Variants in FOCAD observed in about 807,000 individuals in gnomAD.
The protein encoded by FOCAD is KIAA1797.
FOCAD carries 198 observed loss-of-function variants against 225.6 expected under a neutral mutation model. The ratio of observed to expected loss-of-function variants is 0.88; its 90% CI spans 0.78 to 0.99. The LOEUF (loss-of-function observed/expected upper bound fraction) is 0.99. Among genes scored for constraint, FOCAD ranks in the 50% least tolerant of loss-of-function variants. The pLI, the probability that FOCAD is intolerant of heterozygous loss-of-function variation, is 0.00. For missense variants in FOCAD, 2,713 were observed against 2,123.6 expected (o/e 1.28, Z -5.46); for synonymous variants, 897 against 755.0 (o/e 1.19, Z -3.08).
intron 2 of FOCAD, among the ~76,000 whole-genome samples, chr9:20,659,582 C>G (rs1678353929): frequency 1.3e-5 from 2 of 152,126 alleles, no homozygotes; most frequent in African/African-American, 2.4e-5. Flanking sequence ...TGTCAAGGAG[C>G]TAGGCCTCGG....
intron 21 of FOCAD, among the ~76,000 whole-genome samples, chr9:20,891,491 T>G (rs1013751696): frequency 6.6e-6 from 1 of 152,188 alleles, no homozygotes; most frequent in African/African-American, 2.4e-5. Context: ...ACATGAGTGA[T>G]AAGAAAGCAA....
chr9:20,951,553 A>T lies in FOCAD; in HGVS notation c.4051+455A>T, dbSNP rs926192625. Among the ~76,000 whole-genome samples the T allele has an allele frequency of 2.6e-5, 4 of 152,316 alleles. No individual in the cohort carries two copies. The East Asian group carries it at 7.7e-4, about 29-fold the overall frequency. On this transcript the variant is annotated intron_variant, in intron 34 of 43. Transcript: ENST00000338382. ...GTAGTTTGTATAGTATTCATGTTTC[A>T]TTAAAAGTCTCTTCATATATGGCTG... is the stretch of plus-strand genomic sequence containing the variant.
intron 39 of FOCAD, among the ~76,000 whole-genome samples, chr9:20,983,065 C>G (rs1488669413): frequency 6.6e-6 from 1 of 152,114 alleles, no homozygotes; most frequent in Admixed American, 6.5e-5. Flanking sequence ...TCAATCAGAT[C>G]CTTGAATTTC....
In FOCAD at chr9:20,821,003, G is replaced by T. The variant is rs76714249; in HGVS notation, c.1725G>T (p.Val575=). 3.2e-4 allele frequency: 520 copies of T among 1,612,678 alleles called. 2 individuals are homozygous for T. The African/African-American group carries it at 4.6e-3, about 14-fold the overall frequency. ...MAVSDVPSLS[V]GKEVQWEKLI... ...TGTCTGATGTACCTTCTCTTTCGGTGGGCAAGGAAGTCCAATGGGAGAAAC... is the reference window on the plus strand; with the variant it reads ...TGTCTGATGTACCTTCTCTTTCGGTTGGCAAGGAAGTCCAATGGGAGAAAC... Residue 575 remains valine (V), a synonymous_variant, in exon 14 of 44, where the codon GTG becomes GTT. Transcript: ENST00000338382.
intron 5 of FOCAD, among the ~76,000 whole-genome samples, chr9:20,755,573 TA>T (rs1828976041): frequency 1.3e-5 from 2 of 152,194 alleles, no homozygotes; most frequent in Admixed American, 1.3e-4. Context: ...AGATGACTTA[TA>T]AAGGAAGAAT....
intron 4 of FOCAD, among the ~76,000 whole-genome samples, chr9:20,737,934 G>C (rs2131643380): frequency 6.6e-6 from 1 of 152,308 alleles, no homozygotes; most frequent in East Asian, 1.9e-4. Context: ...ATTGGTGATA[G>C]AGCAGTTATG....
intron 1 of FOCAD, among the ~76,000 whole-genome samples, chr9:20,699,781 T>A (rs1268663586): frequency 1.1e-4 from 8 of 71,450 alleles, no homozygotes; most frequent in Non-Finnish European, 1.8e-4. Flanking sequence ...AAAATATATA[T>A]ATATATATAT....
chr9:20,711,942 C>A (rs117379148), intron 1 of FOCAD, among the ~76,000 whole-genome samples: 3,672 of 152,232 alleles, frequency 0.024, 59 homozygotes, highest in Middle Eastern at 0.044. Flanking sequence ...AACAGTGTTT[C>A]CCAGTGTGTA....
intron 21 of FOCAD, among the ~76,000 whole-genome samples, chr9:20,902,718 A>C (rs1002297740): frequency 2.0e-5 from 3 of 151,914 alleles, no homozygotes; most frequent in Non-Finnish European, 4.4e-5. Context: ...TGGGACATAT[A>C]TATTAAATAT....
intron 6 of FOCAD, among the ~76,000 whole-genome samples, chr9:20,758,625 T>G (rs964948302): frequency 6.6e-6 from 1 of 151,912 alleles, no homozygotes; most frequent in African/African-American, 2.4e-5. Flanking sequence ...GTTTGGTTTT[T>G]TGTTCTTGTG....
At chr9:20,896,054 TGA>T (rs1423105090) in intron 21 of FOCAD, among the ~76,000 whole-genome samples, 29 of 151,934 alleles carry the variant, frequency 1.9e-4, no homozygotes, top group Non-Finnish European at 7.4e-5. Flanking sequence ...TCTAGTTTAC[TGA>T]GAGTTTTTAT....
intron 4 of FOCAD, among the ~76,000 whole-genome samples, chr9:20,730,503 G>A (rs1826596618): frequency 6.6e-6 from 1 of 152,100 alleles, no homozygotes; most frequent in Non-Finnish European, 1.5e-5. Flanking sequence ...CATACTTGAT[G>A]TATTTCAGTC....
chr9:20,674,307 A>G (rs1822163554), intron 2 of FOCAD, among the ~76,000 whole-genome samples: 1 of 152,148 alleles, frequency 6.6e-6, no homozygotes, highest in African/African-American at 2.4e-5. Context: ...AATATTATAC[A>G]ATTATGTGTA....
intron 32 of FOCAD, among the ~76,000 whole-genome samples, 164 bp downstream of exon 32, chr9:20,949,092 A>G (rs1365220250): frequency 1.3e-5 from 2 of 152,120 alleles, no homozygotes; most frequent in African/African-American, 4.8e-5. Context: ...ATTGCACTTA[A>G]CCAAGGATTA....
At chr9:20,696,679 C>T (rs1294717109) in intron 1 of FOCAD, among the ~76,000 whole-genome samples, 1 of 152,174 alleles carries the variant, frequency 6.6e-6, no homozygotes, top group Admixed American at 6.5e-5. Context: ...GTGGCGCAAG[C>T]CTGTACTTCC....
At chr9:20,699,777 T>TATATATATATATAC (rs1837226343) in intron 1 of FOCAD, among the ~76,000 whole-genome samples, 2 of 38,334 alleles carry the variant, frequency 5.2e-5, no homozygotes, top group African/African-American at 2.4e-4. Flanking sequence ...AAAAAAAATA[T>TATATATATATATAC]ATATATATAT....
At chr9:20,831,340 CT>C (rs1249409069) in intron 15 of FOCAD, among the ~76,000 whole-genome samples, 3 of 152,060 alleles carry the variant, frequency 2.0e-5, no homozygotes, top group Non-Finnish European at 4.4e-5. Flanking sequence ...CTTTCAAACC[CT>C]GTCTGTTGCA....
chr9:20,962,580 T>G (rs1838850017), intron 35 of FOCAD, among the ~76,000 whole-genome samples: 1 of 152,176 alleles, frequency 6.6e-6, no homozygotes, highest in African/African-American at 2.4e-5. Flanking sequence ...GTTAGTCTAC[T>G]TGTTGCCAGA....
chr9:20,850,394 C>T (rs1032963656), intron 15 of FOCAD, among the ~76,000 whole-genome samples: 2 of 151,462 alleles, frequency 1.3e-5, no homozygotes, highest in African/African-American at 4.8e-5. Flanking sequence ...AAAATCTATA[C>T]AATTTTGGAG....
Sources: gnomAD v4.1 joint callset for allele counts (sites outside exome capture counted in the v4.1 genomes callset) on GRCh38, gnomAD v4.1.1 for gene constraint, MANE v1.5 for transcripts, NCBI Gene and HGNC (gene_info 2026-07-23, HGNC 2026-07-21) for gene names.